The following EFNA5 variants were observed in gnomAD, a reference collection of about 807,000 sequenced individuals.
EFNA5 encodes the protein ephrin-A5.
Under a neutral mutation model 22.9 loss-of-function variants are expected in EFNA5, and 5 were observed. The ratio of observed to expected loss-of-function variants is 0.22; its 90% CI spans 0.11 to 0.46. The LOEUF (loss-of-function observed/expected upper bound fraction) is 0.46. Among genes scored for constraint, EFNA5 ranks in the 20% least tolerant of loss-of-function variants. The probability of loss-of-function intolerance (pLI) is 0.99; values close to 1 mark genes in which losing one functional copy is unlikely to be tolerated. For missense variants in EFNA5, 237 were observed against 293.3 expected, an observed-to-expected ratio of 0.81 and a Z score of 1.40; for synonymous variants, 113 against 112.2, an observed-to-expected ratio of 1.01 and a Z score of -0.04.
intron 2 of EFNA5, among the ~76,000 whole-genome samples, chr5:107,391,366 C>A (rs1425112540): frequency 1.3e-5 from 2 of 152,236 alleles, no homozygotes; most frequent in African/African-American, 4.8e-5. Flanking sequence ...CAGCTCTGGG[C>A]AGGGAGCAAG....
chr5:107,578,742 G>A (rs1443351006), intron 1 of EFNA5, among the ~76,000 whole-genome samples: 1 of 152,058 alleles, frequency 6.6e-6, no homozygotes, highest in African/African-American at 2.4e-5. Context: ...TTGCCAAGCA[G>A]AATTCTTTTT....
intron 2 of EFNA5, among the ~76,000 whole-genome samples, chr5:107,404,498 C>A (rs1034040115): frequency 1.3e-5 from 2 of 152,166 alleles, no homozygotes; most frequent in African/African-American, 4.8e-5. Flanking sequence ...TATCAATTAT[C>A]TACTATTTCC....
At chr5:107,418,458 TA>T (rs1176471520) in intron 2 of EFNA5, among the ~76,000 whole-genome samples, 1 of 152,186 alleles carries the variant, frequency 6.6e-6, no homozygotes, top group Non-Finnish European at 1.5e-5. Context: ...CATTTAAGGA[TA>T]AAAAGAACAA....
intron 2 of EFNA5, among the ~76,000 whole-genome samples, chr5:107,398,566 G>A (rs773719122): frequency 3.9e-5 from 6 of 152,038 alleles, no homozygotes; most frequent in Non-Finnish European, 8.8e-5. Context: ...ATCTGTCGAG[G>A]CCAGGCACAG....
chr5:107,558,890 G>A (rs1409470798), intron 1 of EFNA5, among the ~76,000 whole-genome samples: 1 of 152,158 alleles, frequency 6.6e-6, no homozygotes, highest in Non-Finnish European at 1.5e-5. Flanking sequence ...CTGAATCAAA[G>A]GAAAGAGAAC....
At chr5:107,531,904 T>C (rs903288448) in intron 1 of EFNA5, among the ~76,000 whole-genome samples, 1 of 152,232 alleles carries the variant, frequency 6.6e-6, no homozygotes, top group African/African-American at 2.4e-5. Context: ...TGTGAATTAC[T>C]GAGTTCTACA....
intron 1 of EFNA5, among the ~76,000 whole-genome samples, chr5:107,566,870 T>G (rs2112482158): frequency 6.6e-6 from 1 of 152,372 alleles, no homozygotes; most frequent in Admixed American, 6.5e-5. Context: ...AAATATGTCC[T>G]TAAATGCAAT....
intron 1 of EFNA5, among the ~76,000 whole-genome samples, chr5:107,550,564 G>T (rs1410151563): frequency 6.6e-6 from 1 of 152,110 alleles, no homozygotes; most frequent in Non-Finnish European, 1.5e-5. Context: ...ATGGCTAAAT[G>T]ATACGATATA....
intron 1 of EFNA5, among the ~76,000 whole-genome samples, chr5:107,474,636 C>T (rs1750230393): frequency 6.6e-6 from 1 of 152,080 alleles, no homozygotes; most frequent in South Asian, 2.1e-4. Flanking sequence ...TGGCTTTATC[C>T]TGTTGAAGGG....
At chr5:107,509,299 T>TA (rs1390866507) in intron 1 of EFNA5, among the ~76,000 whole-genome samples, 4 of 151,862 alleles carry the variant, frequency 2.6e-5, no homozygotes, top group African/African-American at 9.7e-5. Context: ...AAAGTGAGTG[T>TA]CAACTCTTTT....
At chr5:107,499,518 T>C (rs1747084543) in intron 1 of EFNA5, among the ~76,000 whole-genome samples, 1 of 152,230 alleles carries the variant, frequency 6.6e-6, no homozygotes, top group South Asian at 2.1e-4. Flanking sequence ...TGTGTTTCCA[T>C]CCTAGGGCTG....
chr5:107,657,150 T>C (rs932184444), intron 1 of EFNA5, among the ~76,000 whole-genome samples: 3 of 152,178 alleles, frequency 2.0e-5, no homozygotes, highest in African/African-American at 7.2e-5. Flanking sequence ...AACAATTTAA[T>C]GTGCTTATTT....
intron 2 of EFNA5, among the ~76,000 whole-genome samples, chr5:107,399,705 T>C (rs1251109914): frequency 6.6e-6 from 1 of 152,196 alleles, no homozygotes; most frequent in Non-Finnish European, 1.5e-5. Flanking sequence ...AGATGTTACA[T>C]GAGAACATAA....
chr5:107,478,087 C>T lies in EFNA5; in HGVS notation c.126-50578G>A, dbSNP rs532241741. 1.4e-4 allele frequency among the ~76,000 whole-genome samples: 21 copies of T among 152,242 alleles called. No homozygotes were observed. The South Asian group carries it at 3.1e-3, about 23-fold the overall frequency. On this transcript the variant is annotated intron_variant, in intron 1 of 4. Transcript: ENST00000333274. ...GATATATAATGCCATGATAGAAATG[C>T]TACTCATTATGTCATACCTAATAAT... is the stretch of plus-strand genomic sequence containing the variant.
At chr5:107,434,467 C>A (rs973764778) in intron 1 of EFNA5, among the ~76,000 whole-genome samples, 13 of 152,204 alleles carry the variant, frequency 8.5e-5, no homozygotes, top group African/African-American at 3.1e-4. Flanking sequence ...CTTTGCCCTG[C>A]AGTCTTCCTC....
chr5:107,665,838 G>A (rs969132857), intron 1 of EFNA5, among the ~76,000 whole-genome samples: 6 of 152,090 alleles, frequency 3.9e-5, no homozygotes, highest in South Asian at 2.1e-4. Flanking sequence ...AGGGGGGAGG[G>A]TCAATTCACG....
chr5:107,578,809 T>A (rs942868168), intron 1 of EFNA5, among the ~76,000 whole-genome samples: 3 of 152,204 alleles, frequency 2.0e-5, no homozygotes, highest in African/African-American at 7.2e-5. Context: ...CACTGCTGTC[T>A]GAAATTAAAA....
intron 2 of EFNA5, among the ~76,000 whole-genome samples, chr5:107,396,304 C>T (rs776040553): frequency 7.2e-5 from 11 of 152,150 alleles, no homozygotes; most frequent in African/African-American, 2.2e-4. Context: ...GCTTAACGTG[C>T]CTACGCCTCA....
chr5:107,418,955 G>A (rs1012853805), intron 2 of EFNA5, among the ~76,000 whole-genome samples: 35 of 152,164 alleles, frequency 2.3e-4, no homozygotes, highest in African/African-American at 8.4e-4. Flanking sequence ...CATGCTACTT[G>A]ATCAAATAAC....
Sources: gnomAD v4.1 joint callset for allele counts (sites outside exome capture counted in the v4.1 genomes callset) on GRCh38, gnomAD v4.1.1 for gene constraint, MANE v1.5 for transcripts, NCBI Gene and HGNC (gene_info 2026-07-23, HGNC 2026-07-21) for gene names.